The following RELCH variants were observed in gnomAD, a reference collection of about 807,000 sequenced individuals.
RELCH encodes RAB11 binding and LisH domain, coiled-coil and HEAT repeat containing.
RELCH carries 41 observed loss-of-function variants against 150.3 expected under a neutral mutation model. That is an observed-to-expected ratio of 0.27 (90% CI 0.21 to 0.35). The LOEUF is 0.35. RELCH is among the 10% of genes least tolerant of loss of function. RELCH has a pLI of 1.00. For missense variants in RELCH, 1,092 were observed against 1,467.8 expected, an observed-to-expected ratio of 0.74 and a Z score of 4.18; for synonymous variants, 478 against 531.8, an observed-to-expected ratio of 0.90 and a Z score of 1.39.
At position 62,248,214 on chromosome 18, in the gene RELCH, C is replaced by T. The variant is rs141359214; in HGVS notation, c.1733+3338C>T. 2.1e-3 allele frequency among the ~76,000 whole-genome samples: 321 copies of T among 152,214 alleles called. 4 individuals carry two copies. The highest frequency in any genetic ancestry group is 7.4e-3 in the African/African-American group (309 of 41,542). ...AAAAATGCATGTATAAAGTTTCCTC[C>T]GTAAACTTTGCTGCAACCCTTTAAA... On this transcript the variant is annotated intron_variant, in intron 11 of 28. Coordinates refer to ENST00000644646, the MANE Select transcript of RELCH (RefSeq NM_001346231.2).
chr18:62,243,285 A>G (rs73458551), intron 10 of RELCH, among the ~76,000 whole-genome samples: 3,965 of 152,194 alleles, frequency 0.026, 151 homozygotes, highest in East Asian at 0.18. Context: ...ACTATTTTGT[A>G]AAAGGTTGTT....
intron 12 of RELCH, among the ~76,000 whole-genome samples, chr18:62,253,249 G>GATGCATTC (rs113708423): frequency 2.7e-5 from 4 of 149,604 alleles, no homozygotes; most frequent in Admixed American, 1.3e-4. Context: ...GAGTATACTT[G>GATGCATTC]AAGAAACAGC....
chr18:62,234,235 T>G (rs1337201983), intron 10 of RELCH, among the ~76,000 whole-genome samples: 2 of 151,792 alleles, frequency 1.3e-5, no homozygotes, highest in African/African-American at 4.8e-5. Context: ...ATTTCACCCG[T>G]TTCTTATTAT....
chr18:62,205,306 C>G (rs1769576122), intron 1 of RELCH, among the ~76,000 whole-genome samples: 1 of 151,974 alleles, frequency 6.6e-6, no homozygotes, highest in South Asian at 2.1e-4. Flanking sequence ...CTGTAGTAAC[C>G]CAAACTCATA....
chr18:62,285,029 T>C (rs1047848071), intron 25 of RELCH, among the ~76,000 whole-genome samples: 3 of 152,214 alleles, frequency 2.0e-5, no homozygotes, highest in Non-Finnish European at 4.4e-5. Flanking sequence ...GCCCATTTAT[T>C]CAAACAAACA....
chr18:62,244,860 C>G lies in RELCH; in HGVS notation c.1717C>G (p.Pro573Ala). The change falls in exon 11 of 29, where the codon CCA becomes GCA. Residue 573 changes from proline to alanine, a missense_variant. Coordinates refer to ENST00000644646, the MANE Select transcript of RELCH (RefSeq NM_001346231.2). ...CATACTTTTCAATTTGATCAAGAGG[C>G]CAGATGATGAGCAAAGGTGGGTATG... ...LHILFNLIKR[P>A]DDEQRQMILT... 1 of 1,609,022 alleles carries G rather than the reference C, an allele frequency of 6.2e-7. No homozygotes were observed. The highest frequency in any genetic ancestry group is 8.5e-7 in the Non-Finnish European group (1 of 1,175,606).
intron 1 of RELCH, among the ~76,000 whole-genome samples, chr18:62,208,128 C>T (rs1046403732): frequency 2.0e-5 from 3 of 152,110 alleles, no homozygotes; most frequent in Non-Finnish European, 2.9e-5. Flanking sequence ...ATTTTCATTT[C>T]CCTAATGAAT....
At chr18:62,252,593 A>G (rs1386434583) in intron 11 of RELCH, 71 bp from the exon 12 acceptor site, 39 of 1,062,150 alleles carry the variant, frequency 3.7e-5, no homozygotes, top group Non-Finnish European at 5.0e-5. Flanking sequence ...TAGAGATGAG[A>G]CTTTTTTAAC....
At chr18:62,226,264 T>C (rs1447521905) in intron 5 of RELCH, among the ~76,000 whole-genome samples, 1 of 152,106 alleles carries the variant, frequency 6.6e-6, no homozygotes, top group Non-Finnish European at 1.5e-5. Context: ...TTTATGAAGC[T>C]CTTCTAAAGA....
rs570585079 is a variant in RELCH at position 62,289,905 on chromosome 18, A to G, written c.3371-1638A>G. 4.6e-5 allele frequency among the ~76,000 whole-genome samples: 7 copies of G among 152,312 alleles called. No homozygotes were observed. In the East Asian group the frequency reaches 7.7e-4, roughly 17 times the overall value. On this transcript the variant is annotated intron_variant, in intron 26 of 28. Coordinates refer to ENST00000644646, the MANE Select transcript of RELCH (RefSeq NM_001346231.2). Reference sequence around the variant, plus strand: ...ATATTCAGCTTCTCATTCCATGCCCATATTTCTCTAGATCAGACTCTTAAA... The same window carrying G: ...ATATTCAGCTTCTCATTCCATGCCCGTATTTCTCTAGATCAGACTCTTAAA...
chr18:62,260,286 T>C (rs2144675440), intron 15 of RELCH, among the ~76,000 whole-genome samples: 1 of 150,428 alleles, frequency 6.6e-6, no homozygotes, highest in South Asian at 2.1e-4. Flanking sequence ...TGAAGAAGTG[T>C]TTAACATCAC....
At chr18:62,259,745 G>T (rs2043164273) in intron 15 of RELCH, among the ~76,000 whole-genome samples, 1 of 151,916 alleles carries the variant, frequency 6.6e-6, no homozygotes, top group South Asian at 2.1e-4. Context: ...ATACTTCAAA[G>T]CAGTAGTAAC....
rs2045958689 is a variant in RELCH at position 62,309,591 on chromosome 18, A to G, written c.*4057A>G. ...TTAATATTGCATCAAAAACAAATAT[A>G]TTTTATTTTGATAGTATATAAATAA... On this transcript the variant is annotated 3_prime_UTR_variant, in exon 29 of 29. Coordinates refer to ENST00000644646, the MANE Select transcript of RELCH (RefSeq NM_001346231.2). The G allele has an allele frequency of 6.6e-6, 1 of 152,220 alleles. No individual in the cohort carries two copies. Among genetic ancestry groups the G allele is most frequent in the Non-Finnish European group, 1.5e-5 (1 of 68,034 alleles). The allele number at this position is 152,220 out of a possible 1,614,324, so 9.4% of individuals were successfully genotyped here.
At chr18:62,285,503 C>A (rs1002757755) in intron 25 of RELCH, 1 of 152,210 alleles carries the variant, frequency 6.6e-6, no homozygotes, top group Non-Finnish European at 1.5e-5. Flanking sequence ...TGTCTATAGT[C>A]CCACCTACTC....
chr18:62,230,959 A>G (rs1285520741), intron 8 of RELCH, among the ~76,000 whole-genome samples: 2 of 152,068 alleles, frequency 1.3e-5, no homozygotes, highest in East Asian at 1.9e-4. Flanking sequence ...ATTTTTTCAC[A>G]TAACATCAAA....
chr18:62,279,796 A>C lies in RELCH; in HGVS notation c.2990A>C (p.Glu997Ala). ...CAGCTGTTGGTGAAGGGGGTGAATGAAACTCTGGTAGCTCAGAGGGTTGTT... is the reference window on the plus strand; with the variant it reads ...CAGCTGTTGGTGAAGGGGGTGAATGCAACTCTGGTAGCTCAGAGGGTTGTT... ...MFELLVKGVN[E>A]TLVAQRVVPA... The change falls in exon 23 of 29, where the codon GAA (glutamate) becomes GCA (alanine). Residue 997 changes from glutamate (E) to alanine (A), a missense_variant. Coordinates refer to ENST00000644646, the MANE Select transcript of RELCH (RefSeq NM_001346231.2). The C allele has an allele frequency of 4.6e-6, 7 of 1,535,752 alleles. No individual in the cohort carries two copies. The highest frequency in any genetic ancestry group is 6.1e-6 in the Non-Finnish European group (7 of 1,146,648).
intron 1 of RELCH, among the ~76,000 whole-genome samples, chr18:62,194,868 A>G (rs2148191754): frequency 6.6e-6 from 1 of 152,326 alleles, no homozygotes; most frequent in Admixed American, 6.5e-5. Context: ...ATGTATAATA[A>G]AAAGTGGTTT....
intron 1 of RELCH, among the ~76,000 whole-genome samples, chr18:62,193,391 C>T (rs989794634): frequency 6.6e-6 from 1 of 152,080 alleles, no homozygotes; most frequent in South Asian, 2.1e-4. Flanking sequence ...CCAGAACTTC[C>T]AATACCATGT....
intron 12 of RELCH, among the ~76,000 whole-genome samples, chr18:62,254,970 A>T (rs903207179): frequency 6.6e-6 from 1 of 152,164 alleles, no homozygotes; most frequent in Non-Finnish European, 1.5e-5. Flanking sequence ...TGGTCAAATC[A>T]TTGATTAACT....
Sources: allele counts gnomAD v4.1 joint callset (sites outside exome capture counted in the v4.1 genomes callset), GRCh38; gene constraint gnomAD v4.1.1; transcripts MANE v1.5; gene names NCBI Gene and HGNC (gene_info 2026-07-23, HGNC 2026-07-21).